RBM24: variants seen among roughly 807,000 people sequenced by gnomAD.
The protein encoded by RBM24 is RNA binding motif protein 24, also known as RNA-binding protein 24.
In RBM24, 5 loss-of-function variants were observed where a neutral mutation model predicts 23.6. That is an observed-to-expected ratio of 0.21 (90% confidence interval 0.11 to 0.45). The LOEUF (loss-of-function observed/expected upper bound fraction) is 0.45, where lower values mean the gene tolerates loss of function less well. RBM24 is among the 20% of genes least tolerant of loss of function. The pLI is 0.99. For synonymous variants in RBM24, 151 were observed against 129.5 expected, an observed-to-expected ratio of 1.17 and a Z score of -1.13; for missense variants, 252 against 314.6, an observed-to-expected ratio of 0.80 and a Z score of 1.51.
Position 17,281,782 on chromosome 6 carries a change from G to A in RBM24, c.168+33G>A, listed in dbSNP as rs1370550322. The A allele has an allele frequency of 6.5e-7, 1 of 1,544,628 alleles. No homozygotes were observed. The highest frequency in any genetic ancestry group is 1.4e-5 in the African/African-American group (1 of 72,540). On this transcript the variant is annotated intron_variant, in intron 1 of 3. Coordinates refer to ENST00000379052, the MANE Select transcript of RBM24 (RefSeq NM_001143942.2). This position sits in a 1 kb window ranked among gnomAD's most constrained non-coding sequence, Gnocchi z 7.1. ...GCACGGACTGGGGGTGACGGGGAGGGACGGAGTGGCGGCTGACCCCGGGGA... is the reference window on the plus strand; with the variant it reads ...GCACGGACTGGGGGTGACGGGGAGGAACGGAGTGGCGGCTGACCCCGGGGA...
In RBM24 at chr6:17,281,968, G is replaced by A; in HGVS notation, c.168+219G>A. The A allele has an allele frequency of 7.3e-7, 1 of 1,369,496 alleles. No homozygotes were observed. Among genetic ancestry groups the A allele is most frequent in the East Asian group, 2.8e-5 (1 of 36,306 alleles). 84.8% of individuals were successfully genotyped at this position (1,369,496 alleles called of 1,614,324 possible). ...AAGACCCAGCGCTGTGCGAGGTCGG[G>A]GGCCGGGCAGGGCAGAGCAGGGGTG... On this transcript the variant is annotated intron_variant, in intron 1 of 3. Transcript: ENST00000379052. This position sits in a 1 kb window ranked among gnomAD's most constrained non-coding sequence, Gnocchi z 7.1.
chr6:17,293,710 C>G lies in RBM24; in HGVS notation c.*1591C>G, dbSNP rs896428367. On this transcript the variant is annotated 3_prime_UTR_variant, in exon 4 of 4. Coordinates refer to ENST00000379052, the MANE Select transcript of RBM24 (RefSeq NM_001143942.2). Reference sequence around the variant, plus strand: ...ACAGGTTAGCATTTTTATGGACTTTCTCCATTATCACTGGATTTACTTTAA... The same window carrying G: ...ACAGGTTAGCATTTTTATGGACTTTGTCCATTATCACTGGATTTACTTTAA... 6 of 152,586 alleles carry G rather than the reference C, an allele frequency of 3.9e-5. No homozygotes were observed. The highest frequency in any genetic ancestry group is 1.4e-4 in the African/African-American group (6 of 41,430). 9.5% of individuals were successfully genotyped at this position (152,586 alleles called of 1,614,324 possible).
intron 3 of RBM24, among the ~76,000 whole-genome samples, chr6:17,287,366 A>C (rs1041855932): frequency 9.2e-5 from 14 of 152,246 alleles, no homozygotes; most frequent in Admixed American, 2.6e-4. Context: ...CCTTGGCCTA[A>C]AAGGAATTTC....
chr6:17,282,951 A>AC, intron 2 of RBM24, 23 bp downstream of exon 2: 1 of 1,553,326 alleles, frequency 6.4e-7, no homozygotes, highest in Non-Finnish European at 8.9e-7. Flanking sequence ...TGTCTCCCCT[A>AC]CCCCCCTCTC....
At chr6:17,284,153 T>TA (rs1275277541) in intron 2 of RBM24, among the ~76,000 whole-genome samples, 4 of 152,072 alleles carry the variant, frequency 2.6e-5, no homozygotes, top group East Asian at 1.9e-4. Flanking sequence ...TCATGGGCGT[T>TA]AAAAAAATTT....
chr6:17,290,606 A>G (rs796793158), intron 3 of RBM24, among the ~76,000 whole-genome samples: 11 of 152,350 alleles, frequency 7.2e-5, no homozygotes, highest in African/African-American at 2.4e-4. Context: ...ACACATGATT[A>G]TACAATTGAT....
At chr6:17,284,541 A>C (rs1394000745) in intron 2 of RBM24, 116 bp from the exon 3 acceptor site, 2 of 727,794 alleles carry the variant, frequency 2.7e-6, no homozygotes, top group Non-Finnish European at 4.6e-6. Context: ...AGTTTCTTTA[A>C]AGTGGCGAAA....
At chr6:17,289,132 A>G in intron 3 of RBM24, 1 of 985,390 alleles carries the variant, frequency 1.0e-6, no homozygotes, top group Non-Finnish European at 1.2e-6. Context: ...CTAGGCATGC[A>G]CGTTTTATGG....
chr6:17,286,344 T>C (rs553601839), intron 3 of RBM24, among the ~76,000 whole-genome samples: 64 of 152,292 alleles, frequency 4.2e-4, no homozygotes, highest in African/African-American at 1.4e-3. Context: ...TTTCTGTGGG[T>C]AATTCATTTA....
intron 3 of RBM24, among the ~76,000 whole-genome samples, chr6:17,287,627 A>G (rs148782413): frequency 6.6e-6 from 1 of 152,064 alleles, no homozygotes; most frequent in African/African-American, 2.4e-5. Context: ...TGGCTAACAC[A>G]GTGAAACCCC....
chr6:17,292,258 A>T lies in RBM24; in HGVS notation c.*139A>T, dbSNP rs1760393453. On this transcript the variant is annotated 3_prime_UTR_variant, in exon 4 of 4. Coordinates refer to ENST00000379052, the MANE Select transcript of RBM24 (RefSeq NM_001143942.2). The stretch of plus-strand genomic sequence containing the variant: ...CATGCTATTGTGAAGCAGAGTTATT[A>T]TTTTTTTTATACTCCAGGTAGTGTT... 5.0e-6 allele frequency: 4 copies of T among 796,068 alleles called. No individual in the cohort carries two copies. In the Admixed American group the frequency reaches 8.8e-5, roughly 18 times the overall value. The allele number at this position is 796,068 out of a possible 1,614,324, so 49.3% of individuals were successfully genotyped here.
At chr6:17,291,649 A>C in intron 3 of RBM24, 107 bp from the exon 4 acceptor site, 1 of 1,236,840 alleles carries the variant, frequency 8.1e-7, no homozygotes, top group African/African-American at 1.5e-5. Flanking sequence ...TATTGTGGCA[A>C]CCCTATGCTC....
intron 3 of RBM24, chr6:17,289,939 C>T: frequency 1.6e-6 from 2 of 1,283,230 alleles, no homozygotes; most frequent in Non-Finnish European, 1.0e-6. Flanking sequence ...ACCTGACCTG[C>T]AGCAAAGTTC....
chr6:17,282,325 G>A (rs929495816), intron 1 of RBM24: 8 of 1,110,140 alleles, frequency 7.2e-6, no homozygotes, highest in Non-Finnish European at 9.7e-6. Context: ...CTGCCGAAGA[G>A]CAGGGAGCCC....
At chr6:17,284,784 CAGATAAG>C in intron 3 of RBM24, 73 bp downstream of exon 3, 1 of 1,076,142 alleles carries the variant, frequency 9.3e-7, no homozygotes, top group African/African-American at 1.6e-5. Context: ...TTGTTATATA[CAGATAAG>C]ATCATGATGT....
intron 3 of RBM24, among the ~76,000 whole-genome samples, chr6:17,286,876 G>A (rs1011857096): frequency 6.6e-6 from 1 of 152,306 alleles, no homozygotes; most frequent in Middle Eastern, 3.4e-3. Context: ...GACTGATTGT[G>A]GAAGTCCTTA....
Position 17,292,175 on chromosome 6 carries a change from T to G in RBM24, c.*56T>G. On this transcript the variant is annotated 3_prime_UTR_variant, in exon 4 of 4. Coordinates refer to ENST00000379052, the MANE Select transcript of RBM24 (RefSeq NM_001143942.2). ...TCTCTTTCCCTCCCAATTTTCCAAT[T>G]TTTAGTAGCTAATAAGAGAGTTAAC... 2 of 1,451,380 alleles carry G rather than the reference T, an allele frequency of 1.4e-6. No individual in the cohort carries two copies. The highest frequency in any genetic ancestry group is 1.8e-6 in the Non-Finnish European group (2 of 1,098,934). 89.9% of individuals were successfully genotyped at this position (1,451,380 alleles called of 1,614,324 possible).
At chr6:17,290,658 C>T (rs1213375431) in intron 3 of RBM24, among the ~76,000 whole-genome samples, 2 of 152,182 alleles carry the variant, frequency 1.3e-5, no homozygotes, top group Non-Finnish European at 2.9e-5. Context: ...AGATTTCGAA[C>T]ATAACACTAA....
chr6:17,281,437 C>T lies in RBM24; in HGVS notation c.-145C>T. ...GCCGCCCCCGGCCGCTCGCCCCCGC[C>T]GCGCCGCCGCCCTCGCCCCCGGGCT... On this transcript the variant is annotated 5_prime_UTR_variant, in exon 1 of 4. Coordinates refer to ENST00000379052, the MANE Select transcript of RBM24 (RefSeq NM_001143942.2). This position sits in a 1 kb window ranked among gnomAD's most constrained non-coding sequence, Gnocchi z 7.1. 2 of 462,372 alleles carry T rather than the reference C, an allele frequency of 4.3e-6. No homozygotes were observed. The highest frequency in any genetic ancestry group is 5.7e-6 in the Non-Finnish European group (2 of 351,542). 28.6% of individuals were successfully genotyped at this position (462,372 alleles called of 1,614,324 possible).
Sources: allele counts gnomAD v4.1 joint callset (sites outside exome capture counted in the v4.1 genomes callset), GRCh38; gene constraint gnomAD v4.1.1; non-coding constraint Gnocchi (gnomAD v3.1); transcripts MANE v1.5; gene names NCBI Gene and HGNC (gene_info 2026-07-23, HGNC 2026-07-21).